Variants in SNX29 observed in about 807,000 individuals in gnomAD.
The protein encoded by SNX29 is sorting nexin-29.
A neutral mutation model predicts 102.1 loss-of-function variants in SNX29; 78 were observed. The observed-to-expected ratio is 0.76, with a 90% CI of 0.64 to 0.92. The LOEUF (loss-of-function observed/expected upper bound fraction) is 0.92. Among genes scored for constraint, SNX29 ranks in the 40% least tolerant of loss-of-function variants. The pLI is 0.00. For missense variants in SNX29, 1,280 were observed against 1,061.7 expected, an observed-to-expected ratio of 1.21 and a Z score of -2.86; for synonymous variants, 580 against 414.5, an observed-to-expected ratio of 1.40 and a Z score of -4.85.
intron 10 of SNX29, among the ~76,000 whole-genome samples, chr16:12,071,907 G>A (rs969669571): frequency 2.0e-5 from 3 of 152,146 alleles, no homozygotes; most frequent in East Asian, 3.9e-4. Context: ...AGTTGGATTC[G>A]TAAGTATTTT....
intron 13 of SNX29, among the ~76,000 whole-genome samples, chr16:12,194,391 G>A (rs759642560): frequency 2.6e-5 from 4 of 152,130 alleles, no homozygotes; most frequent in Non-Finnish European, 5.9e-5. Context: ...CAGTTCTTGG[G>A]ATTTCCTTTG....
intron 15 of SNX29, among the ~76,000 whole-genome samples, chr16:12,304,794 AAG>A (rs1189461606): frequency 2.0e-5 from 3 of 152,222 alleles, no homozygotes; most frequent in Non-Finnish European, 4.4e-5. Flanking sequence ...TTTTTTTAAA[AAG>A]AGAGGATATG....
chr16:12,379,477 T>G (rs774461671), intron 16 of SNX29, among the ~76,000 whole-genome samples: 1 of 152,256 alleles, frequency 6.6e-6, no homozygotes, highest in East Asian at 1.9e-4. Flanking sequence ...ATGACTTGGC[T>G]GCTGCCACTC....
intron 20 of SNX29, chr16:12,546,734 G>T (rs1353301303): frequency 6.6e-6 from 1 of 151,870 alleles, no homozygotes; most frequent in African/African-American, 2.4e-5. Context: ...AAACTAAGAA[G>T]ATAGGAGAAA....
chr16:12,138,360 A>C (rs2054740420), intron 13 of SNX29, among the ~76,000 whole-genome samples: 1 of 151,968 alleles, frequency 6.6e-6, no homozygotes, highest in Non-Finnish European at 1.5e-5. Context: ...GGCATGTGCC[A>C]CCATGCCCAG....
At chr16:12,339,632 T>G (rs2081556070) in intron 15 of SNX29, among the ~76,000 whole-genome samples, 1 of 152,186 alleles carries the variant, frequency 6.6e-6, no homozygotes, top group African/African-American at 2.4e-5. Context: ...CTGCTGTTGC[T>G]CTCTGCTTTC....
intron 15 of SNX29, among the ~76,000 whole-genome samples, chr16:12,352,296 C>T (rs985903513): frequency 2.0e-5 from 3 of 150,536 alleles, no homozygotes; most frequent in African/African-American, 4.9e-5. Context: ...TGTTCTCACT[C>T]ATAGGTGGGA....
Position 12,573,083 on chromosome 16 carries a change from C to T in SNX29, c.*4454C>T, listed in dbSNP as rs928382729. ...TGTATATTTTATCTCATTTCTGTGCCAAGAAAGTTCATCTTTATGTTTTTC... is the reference window on the plus strand; with the variant it reads ...TGTATATTTTATCTCATTTCTGTGCTAAGAAAGTTCATCTTTATGTTTTTC... On this transcript the variant is annotated 3_prime_UTR_variant, in exon 21 of 21. Transcript: ENST00000566228. The T allele has an allele frequency of 2.2e-5, 5 of 230,378 alleles. No individual in the cohort carries two copies. Among genetic ancestry groups the T allele is most frequent in the Admixed American group, 5.7e-5 (1 of 17,630 alleles). The allele number at this position is 230,378 out of a possible 1,614,324, so 14.3% of individuals were successfully genotyped here. A position where few individuals can be genotyped will look rare whatever the true frequency, so the allele number is the denominator to read the frequency against.
chr16:12,490,622 CCA>C (rs1208545654), intron 19 of SNX29, among the ~76,000 whole-genome samples: 1 of 152,134 alleles, frequency 6.6e-6, no homozygotes, highest in East Asian at 1.9e-4. Flanking sequence ...GTGCATACTG[CCA>C]CACAGTGTCC....
rs575301337 is a variant in SNX29 at position 12,145,245 on chromosome 16, C to G, written c.1595+15487C>G. Among the ~76,000 whole-genome samples the G allele has an allele frequency of 2.6e-5, 4 of 151,380 alleles. No individual in the cohort carries two copies. The South Asian group carries it at 8.4e-4, about 32-fold the overall frequency. ...CCTTTAAATTGTGAAAGCAGCATAA[C>G]AACTCAAAATGGGGAAAAGAGTCCC... On this transcript the variant is annotated intron_variant, in intron 13 of 20. Coordinates refer to ENST00000566228, the MANE Select transcript of SNX29 (RefSeq NM_032167.5).
intron 9 of SNX29, among the ~76,000 whole-genome samples, chr16:12,067,891 C>T (rs1466731992): frequency 1.3e-5 from 2 of 152,176 alleles, no homozygotes; most frequent in Non-Finnish European, 2.9e-5. Context: ...TGGAAGGAGA[C>T]TTGAGCATTT....
At chr16:12,414,982 C>G (rs2084566905) in intron 18 of SNX29, among the ~76,000 whole-genome samples, 1 of 152,216 alleles carries the variant, frequency 6.6e-6, no homozygotes, top group Non-Finnish European at 1.5e-5. Flanking sequence ...CTCAGCCTCC[C>G]AAAGTGCTGG....
At chr16:12,250,913 C>T (rs1363591849) in intron 14 of SNX29, among the ~76,000 whole-genome samples, 1 of 152,332 alleles carries the variant, frequency 6.6e-6, no homozygotes, top group Admixed American at 6.5e-5. Flanking sequence ...TCCCTGACCC[C>T]GGTACTGCAG....
intron 20 of SNX29, among the ~76,000 whole-genome samples, chr16:12,532,260 A>G (rs2076951994): frequency 6.6e-6 from 1 of 152,198 alleles, no homozygotes; most frequent in Non-Finnish European, 1.5e-5. Context: ...CAAGAAGTAA[A>G]AAGTTTTGGA....
intron 13 of SNX29, among the ~76,000 whole-genome samples, chr16:12,132,198 A>G (rs1182855470): frequency 3.3e-5 from 5 of 151,216 alleles, no homozygotes; most frequent in African/African-American, 7.3e-5. Flanking sequence ...TCCCGGGTTC[A>G]GGTGATTCTC....
At chr16:12,177,189 C>G (rs558799680) in intron 13 of SNX29, among the ~76,000 whole-genome samples, 1 of 152,090 alleles carries the variant, frequency 6.6e-6, no homozygotes, top group African/African-American at 2.4e-5. Flanking sequence ...GATCCTCAAG[C>G]GATCCTCCCA....
chr16:12,298,985 C>T (rs1182242342), intron 15 of SNX29, among the ~76,000 whole-genome samples: 1 of 141,232 alleles, frequency 7.1e-6, no homozygotes, highest in South Asian at 2.3e-4. Flanking sequence ...CAGAGAGGAC[C>T]AATGAGTCTT....
At chr16:12,094,861 C>CTT in intron 11 of SNX29, among the ~76,000 whole-genome samples, 1 of 151,216 alleles carries the variant, frequency 6.6e-6, no homozygotes, top group South Asian at 2.1e-4. Flanking sequence ...TTGTCTTAGG[C>CTT]TTTTTTTTTA....
intron 13 of SNX29, among the ~76,000 whole-genome samples, chr16:12,152,412 C>T (rs1024892968): frequency 2.0e-5 from 3 of 152,144 alleles, no homozygotes; most frequent in African/African-American, 7.2e-5. Context: ...AAGGTTTGGC[C>T]TCAGATGGGC....
Sources: allele counts gnomAD v4.1 joint callset (sites outside exome capture counted in the v4.1 genomes callset), GRCh38; gene constraint gnomAD v4.1.1; transcripts MANE v1.5; gene names NCBI Gene and HGNC (gene_info 2026-07-23, HGNC 2026-07-21).